The following SGSM3 variants were observed in gnomAD, a reference collection of about 807,000 sequenced individuals.
SGSM3 encodes small G protein signaling modulator 3.
In SGSM3, 96 loss-of-function variants were observed where a neutral mutation model predicts 100.5. That is an observed-to-expected ratio of 0.96 (90% confidence interval 0.81 to 1.13). SGSM3 has a LOEUF of 1.13. Ranked by LOEUF, SGSM3 falls within the 50% of genes most tolerant of loss-of-function variation. The probability of loss-of-function intolerance (pLI) is 0.00; values close to 1 mark genes in which losing one functional copy is unlikely to be tolerated. For synonymous variants in SGSM3, 483 were observed against 422.8 expected (o/e 1.14, Z -1.75); for missense variants, 1,001 against 1,015.8 (o/e 0.99, Z 0.20).
At chr22:40,377,700 G>A (rs2046874699) in intron 1 of SGSM3, among the ~76,000 whole-genome samples, 1 of 152,042 alleles carries the variant, frequency 6.6e-6, no homozygotes, top group Admixed American at 6.5e-5. Context: ...ATTATAAATA[G>A]CTGGGCATGG....
At chr22:40,371,839 G>GGCGCCCGCCACC (rs1181355000) in intron 1 of SGSM3, among the ~76,000 whole-genome samples, 2 of 151,860 alleles carry the variant, frequency 1.3e-5, no homozygotes, top group Non-Finnish European at 2.9e-5. Context: ...TGGGATTACA[G>GGCGCCCGCCACC]GCGCCCGCCA....
chr22:40,385,875 G>A lies in SGSM3; in HGVS notation c.-111-14821G>A, dbSNP rs138439722. Among the ~76,000 whole-genome samples, 6 of 152,122 alleles carry A rather than the reference G, an allele frequency of 3.9e-5. No individual in the cohort carries two copies. In the South Asian group the frequency reaches 1.0e-3, roughly 26 times the overall value. On this transcript the variant is annotated intron_variant, in intron 1 of 21. Coordinates refer to ENST00000248929, the MANE Select transcript of SGSM3 (RefSeq NM_015705.6). ...ACAACTTTTTTTTTTCTTGAAGACC[G>A]GGTCTCACTCTGGTTGCCCAGGCTG...
chr22:40,380,699 G>C (rs2047427729), intron 1 of SGSM3, among the ~76,000 whole-genome samples: 1 of 152,100 alleles, frequency 6.6e-6, no homozygotes, highest in Admixed American at 6.6e-5. Flanking sequence ...ACTTTGGGAG[G>C]CCAAGGTAGG....
At position 40,405,840 on chromosome 22, in the gene SGSM3, C is replaced by T. The variant is rs748363421; in HGVS notation, c.810C>T (p.Asp270=). The stretch of plus-strand genomic sequence containing the variant: ...TGGACAAGCTGCTCCAGGAGCATGA[C>T]ATTGGTAAGGCGCCCCTGAGCCACT... The part of the protein sequence containing the change: ...PRLDKLLQEH[D]IELSLITLHW... The change falls in exon 8 of 22, where the codon GAC becomes GAT. Residue 270 remains aspartate, a synonymous_variant. Coordinates refer to ENST00000248929, the MANE Select transcript of SGSM3 (RefSeq NM_015705.6). 1.9e-6 allele frequency: 3 copies of T among 1,608,104 alleles called. No individual in the cohort carries two copies. Among genetic ancestry groups the T allele is most frequent in the Admixed American group, 1.7e-5 (1 of 59,620 alleles).
chr22:40,401,482 G>T, intron 2 of SGSM3, 111 bp from the exon 3 acceptor site: 1 of 742,082 alleles, frequency 1.3e-6, no homozygotes. Flanking sequence ...CTGACCTCAG[G>T]TGATCTGCCC....
intron 4 of SGSM3, among the ~76,000 whole-genome samples, chr22:40,403,788 G>T (rs1029599214): frequency 6.6e-6 from 1 of 152,190 alleles, no homozygotes; most frequent in African/African-American, 2.4e-5. Context: ...TTTGGGAGGT[G>T]AGGGTAGCAA....
rs374418939 is a variant in SGSM3, at chr22:40,374,149, G to A, written c.-112+3461G>A. ...TTGTATTTTTTTTAGTAGAGACGGG[G>A]CTTCACCGTGTTAGCCAGAATGGTC... On this transcript the variant is annotated intron_variant, in intron 1 of 21. Coordinates refer to ENST00000248929, the MANE Select transcript of SGSM3 (RefSeq NM_015705.6). Among the ~76,000 whole-genome samples the A allele has an allele frequency of 1.1e-3, 162 of 151,228 alleles. 6 individuals are homozygous for A. The South Asian group carries it at 0.033, about 31-fold the overall frequency.
chr22:40,371,078 C>T (rs1012197332), intron 1 of SGSM3, among the ~76,000 whole-genome samples: 1 of 152,232 alleles, frequency 6.6e-6, no homozygotes, highest in African/African-American at 2.4e-5. Context: ...GGGACAGCTG[C>T]AGACTCCTCC....
At position 40,404,566 on chromosome 22, in the gene SGSM3, C is replaced by T. The variant is rs751356147; in HGVS notation, c.376C>T (p.Arg126Trp). 7.4e-6 allele frequency: 12 copies of T among 1,613,308 alleles called. No individual in the cohort carries two copies. Among genetic ancestry groups the T allele is most frequent in the Admixed American group, 5.0e-5 (3 of 59,958 alleles). The stretch of plus-strand genomic sequence containing the variant: ...GGCTCCCTTCCCTCAGCTGTGGATG[C>T]GGCTCTCTGGGGCCCTGCAGAAGAA... ...PHGMRPQLWMRLSGALQKKRN... is the reference protein window; with the variant it reads ...PHGMRPQLWMWLSGALQKKRN... The change falls in exon 6 of 22, where the codon CGG becomes TGG. Residue 126 changes from arginine (R) to tryptophan (W), a missense_variant. Transcript: ENST00000248929.
intron 1 of SGSM3, among the ~76,000 whole-genome samples, chr22:40,381,521 T>C (rs2047584287): frequency 6.6e-6 from 1 of 152,322 alleles, no homozygotes; most frequent in Non-Finnish European, 1.5e-5. Context: ...ATATTATTAC[T>C]CCAAATTTAA....
intron 10 of SGSM3, 104 bp downstream of exon 10, chr22:40,406,766 C>T (rs1248859997): frequency 1.8e-5 from 19 of 1,035,748 alleles, no homozygotes; most frequent in Non-Finnish European, 2.6e-5. Flanking sequence ...CCAGCCCTTC[C>T]TGCTCTGCCC....
Position 40,409,993 on chromosome 22 carries a change from C to CTT in SGSM3, c.*235_*236dup. On this transcript the variant is annotated 3_prime_UTR_variant, in exon 22 of 22. Transcript: ENST00000248929. Reference sequence around the variant, plus strand: ...CCAAACCACAGTTTGTACCAAAAACCTTGTGAGGAGGTGGGGGAGCCATGT... The same window carrying CTT: ...CCAAACCACAGTTTGTACCAAAAACCTTTTGTGAGGAGGTGGGGGAGCCATGT... 1 of 1,332,544 alleles carries CTT rather than the reference C, an allele frequency of 7.5e-7. No individual in the cohort carries two copies. Among genetic ancestry groups the CTT allele is most frequent in the Non-Finnish European group, 9.5e-7 (1 of 1,047,446 alleles). 82.5% of individuals were successfully genotyped at this position (1,332,544 alleles called of 1,614,324 possible). A position where few individuals can be genotyped will look rare whatever the true frequency, so the allele number is the denominator to read the frequency against.
intron 16 of SGSM3, 36 bp downstream of exon 16, chr22:40,408,465 C>T: frequency 1.2e-6 from 2 of 1,611,988 alleles, no homozygotes; most frequent in South Asian, 1.1e-5. Flanking sequence ...CCCCACCCTG[C>T]ACCAGCCCTG....
chr22:40,404,590 A>T lies in SGSM3; in HGVS notation c.400A>T (p.Lys134Ter). ...GCGGCTCTCTGGGGCCCTGCAGAAGAAGAGGAACTCTGAGCTGTCCTACCG... is the reference window on the plus strand; with the variant it reads ...GCGGCTCTCTGGGGCCCTGCAGAAGTAGAGGAACTCTGAGCTGTCCTACCG... Reference protein sequence around the residue: ...WMRLSGALQKKRNSELSYREI... With the variant: ...WMRLSGALQK Residue 134 changes from lysine to a stop codon, truncating the protein, a stop_gained, in exon 6 of 22, where the codon AAG becomes TAG. Coordinates refer to ENST00000248929, the MANE Select transcript of SGSM3 (RefSeq NM_015705.6). LOFTEE classifies it high-confidence loss of function. The T allele has an allele frequency of 6.2e-7, 1 of 1,613,908 alleles. No individual in the cohort carries two copies.
chr22:40,385,721 C>T (rs932033458), intron 1 of SGSM3, among the ~76,000 whole-genome samples: 1 of 152,118 alleles, frequency 6.6e-6, no homozygotes, highest in Non-Finnish European at 1.5e-5. Context: ...TTGAAAGTAT[C>T]GCTGAAGGAA....
chr22:40,394,836 A>G (rs796897534), intron 1 of SGSM3, among the ~76,000 whole-genome samples: 61 of 152,028 alleles, frequency 4.0e-4, no homozygotes, highest in African/African-American at 1.4e-3. Context: ...GCCTTCCCCA[A>G]CCACCAATTA....
intron 1 of SGSM3, among the ~76,000 whole-genome samples, chr22:40,371,685 CTTCTT>C (rs947921499): frequency 2.8e-4 from 42 of 151,798 alleles, no homozygotes; most frequent in Middle Eastern, 3.4e-3. Context: ...ATTTGTAATT[CTTCTT>C]TTCTTTTCTT....
rs949718956 is a variant in SGSM3, at chr22:40,381,465, A to G, written c.-112+10777A>G. 5.3e-5 allele frequency among the ~76,000 whole-genome samples: 8 copies of G among 152,312 alleles called. No homozygotes were observed. The East Asian group carries it at 1.5e-3, about 29-fold the overall frequency. ...TGCCCGGCTACAAGGCATTTTAACG[A>G]TGCAAGATAGTGCATTTAGGAACTG... On this transcript the variant is annotated intron_variant, in intron 1 of 21. Transcript: ENST00000248929.
intron 1 of SGSM3, among the ~76,000 whole-genome samples, chr22:40,379,805 C>G (rs995440852): frequency 6.6e-6 from 1 of 152,016 alleles, no homozygotes; most frequent in Non-Finnish European, 1.5e-5. Flanking sequence ...ACCTCCCAGG[C>G]CCAAGCAATC....
Sources: allele counts gnomAD v4.1 joint callset (sites outside exome capture counted in the v4.1 genomes callset), GRCh38; gene constraint gnomAD v4.1.1; transcripts MANE v1.5; gene names NCBI Gene and HGNC (gene_info 2026-07-23, HGNC 2026-07-21).